WASF3: variants seen among roughly 807,000 people sequenced by gnomAD.
WASF3 encodes the protein actin-binding protein WASF3.
Under a neutral mutation model 46.6 loss-of-function variants are expected in WASF3, and 11 were observed. The ratio of observed to expected loss-of-function variants is 0.24; its 90% CI spans 0.15 to 0.39. WASF3 has a LOEUF of 0.39. Ranked by LOEUF, WASF3 falls within the 10% of genes least tolerant of loss-of-function variation. The probability of loss-of-function intolerance (pLI) is 1.00; values close to 1 mark genes in which losing one functional copy is unlikely to be tolerated. For missense variants in WASF3, 576 were observed against 669.8 expected (o/e 0.86, Z 1.55); for synonymous variants, 242 against 259.7 (o/e 0.93, Z 0.65).
At chr13:26,599,050 T>C (rs1357983216) in intron 1 of WASF3, among the ~76,000 whole-genome samples, 1 of 152,152 alleles carries the variant, frequency 6.6e-6, no homozygotes, top group Non-Finnish European at 1.5e-5. Flanking sequence ...TTTGTATTTT[T>C]AGTAGAGACA....
Position 26,648,012 on chromosome 13 carries a change from C to T in WASF3, c.133+5609C>T, listed in dbSNP as rs913840025. On this transcript the variant is annotated intron_variant, in intron 3 of 9. Transcript: ENST00000335327. The stretch of plus-strand genomic sequence containing the variant: ...ATAGCTGGAGATTATTATATTGATA[C>T]ACCATAATTATTTAACCATTTTACT... Among the ~76,000 whole-genome samples, 4 of 152,188 alleles carry T rather than the reference C, an allele frequency of 2.6e-5. No homozygotes were observed. In the East Asian group the frequency reaches 7.7e-4, roughly 29 times the overall value.
rs558969205 is a variant in WASF3 at position 26,682,261 on chromosome 13, T to C, written c.984-346T>C. On this transcript the variant is annotated intron_variant, in intron 8 of 9. Transcript: ENST00000335327. The surrounding 1 kb of genome is among the most constrained non-coding windows in gnomAD (Gnocchi z 4.4). ...CCTTAGGACCCTTAAAAGACAAGTT[T>C]GTGAGCTACCGCCTTGAGATCCCAG... Among the ~76,000 whole-genome samples, 3 of 152,322 alleles carry C rather than the reference T, an allele frequency of 2.0e-5. No individual in the cohort carries two copies. The South Asian group carries it at 6.2e-4, about 32-fold the overall frequency.
At chr13:26,676,136 A>G (rs1883062038) in intron 6 of WASF3, among the ~76,000 whole-genome samples, 1 of 152,174 alleles carries the variant, frequency 6.6e-6, no homozygotes, top group Non-Finnish European at 1.5e-5. Context: ...ATTTTCTTTG[A>G]AAGATAATTG....
At chr13:26,552,654 A>AATC in the WASF3 span, among the ~76,000 whole-genome samples, 2 of 151,820 alleles carry the variant, frequency 1.3e-5, no homozygotes, top group African/African-American at 4.8e-5. Flanking sequence ...GCATGTCAAA[A>AATC]ATGACAGTTA....
At chr13:26,666,681 T>G (rs1403914151) in intron 4 of WASF3, among the ~76,000 whole-genome samples, 1 of 151,908 alleles carries the variant, frequency 6.6e-6, no homozygotes, top group Admixed American at 6.6e-5. Context: ...AGGCGGATCA[T>G]GAGGTCAGGA....
In WASF3 at chr13:26,569,034, T is replaced by C. The variant is rs558064479; in HGVS notation, c.-109+11215T>C. Among the ~76,000 whole-genome samples, 30 of 152,230 alleles carry C rather than the reference T, an allele frequency of 2.0e-4. 1 individual carries two copies. Among genetic ancestry groups the C allele is most frequent in the African/African-American group, 7.2e-4 (30 of 41,544 alleles). Reference sequence around the variant, plus strand: ...ATTTTGGATAATTAGTTGAAAAAATTGCTGCCGTTTTAAATTAGTGTAGAA... The same window carrying C: ...ATTTTGGATAATTAGTTGAAAAAATCGCTGCCGTTTTAAATTAGTGTAGAA... On this transcript the variant is annotated intron_variant, in intron 1 of 9. Coordinates refer to ENST00000335327, the MANE Select transcript of WASF3 (RefSeq NM_006646.6).
At chr13:26,557,551 C>T (rs9581702), upstream of WASF3, among the ~76,000 whole-genome samples, 53,228 of 151,946 alleles carry the variant, frequency 0.35, 9,592 homozygotes, top group East Asian at 0.55. Context: ...CTCGCCGGCT[C>T]CCTATTGGCC....
intron 2 of WASF3, among the ~76,000 whole-genome samples, chr13:26,639,471 T>C (rs1212133949): frequency 6.6e-6 from 1 of 152,158 alleles, no homozygotes; most frequent in Non-Finnish European, 1.5e-5. Flanking sequence ...GTTCAGGGCA[T>C]TGTGGGGAAC....
At chr13:26,595,601 A>G (rs1395137811) in intron 1 of WASF3, among the ~76,000 whole-genome samples, 1 of 152,158 alleles carries the variant, frequency 6.6e-6, no homozygotes, top group Non-Finnish European at 1.5e-5. Context: ...TGCCACCTTC[A>G]AGATACAGTA....
At chr13:26,671,834 A>G (rs371708378) in intron 5 of WASF3, 38 bp from the exon 6 acceptor site, 12 of 1,425,398 alleles carry the variant, frequency 8.4e-6, no homozygotes, top group African/African-American at 2.9e-5. Flanking sequence ...GTCTCTAACA[A>G]TCTTTTCTTC....
intron 1 of WASF3, among the ~76,000 whole-genome samples, chr13:26,590,534 A>G (rs1370480646): frequency 1.3e-5 from 2 of 152,010 alleles, no homozygotes. Context: ...TCTACTCACA[A>G]AAGTAATCTG....
intron 1 of WASF3, among the ~76,000 whole-genome samples, chr13:26,594,845 C>A (rs1880413360): frequency 6.6e-6 from 1 of 152,064 alleles, no homozygotes; most frequent in Non-Finnish European, 1.5e-5. Flanking sequence ...TCCTCATTCA[C>A]TCCTCTGTGG....
At chr13:26,591,592 G>C (rs1880296586) in intron 1 of WASF3, among the ~76,000 whole-genome samples, 1 of 152,126 alleles carries the variant, frequency 6.6e-6, no homozygotes, top group South Asian at 2.1e-4. Flanking sequence ...GATTGCTGGG[G>C]AACGTCAGGA....
At chr13:26,664,985 A>T (rs1247748447) in intron 3 of WASF3, 43 bp from the exon 4 acceptor site, 1 of 1,606,678 alleles carries the variant, frequency 6.2e-7, no homozygotes. Flanking sequence ...CCGCTTCATC[A>T]GCTCCCTAAC....
chr13:26,567,378 A>G (rs1879496979), intron 1 of WASF3, among the ~76,000 whole-genome samples: 1 of 152,214 alleles, frequency 6.6e-6, no homozygotes, highest in Non-Finnish European at 1.5e-5. Flanking sequence ...AGTATCCTGC[A>G]TGGCAAGCTT....
At chr13:26,619,997 C>A (rs1219049736) in intron 2 of WASF3, among the ~76,000 whole-genome samples, 1 of 152,102 alleles carries the variant, frequency 6.6e-6, no homozygotes, top group Non-Finnish European at 1.5e-5. Context: ...CTGTAGGAAG[C>A]GTTTACAATG....
At chr13:26,625,006 C>A (rs1441653579) in intron 2 of WASF3, among the ~76,000 whole-genome samples, 1 of 152,034 alleles carries the variant, frequency 6.6e-6, no homozygotes, top group Admixed American at 6.6e-5. Flanking sequence ...AGTTCTTGGG[C>A]AGAAGGGGCA....
At chr13:26,576,819 A>C (rs1879811046) in intron 1 of WASF3, 3 of 443,408 alleles carry the variant, frequency 6.8e-6, no homozygotes, top group East Asian at 4.3e-5. Flanking sequence ...AGCTTCCTCC[A>C]GTGGTAACAT....
At chr13:26,638,805 T>C (rs531260485) in intron 2 of WASF3, 1 of 152,330 alleles carries the variant, frequency 6.6e-6, no homozygotes, top group South Asian at 2.1e-4. Flanking sequence ...ATCCCCCAGA[T>C]GTTGGGAGGT....
Sources: gnomAD v4.1 joint callset for allele counts (sites outside exome capture counted in the v4.1 genomes callset) on GRCh38, gnomAD v4.1.1 for gene constraint, Gnocchi (gnomAD v3.1) non-coding constraint, MANE v1.5 for transcripts, NCBI Gene and HGNC (gene_info 2026-07-23, HGNC 2026-07-21) for gene names.